M1AP: variants seen among roughly 807,000 people sequenced by gnomAD.
M1AP encodes the protein meiosis 1 associated protein, also known as meiosis 1 arrest protein.
In M1AP, 39 loss-of-function variants were observed where a neutral mutation model predicts 51.2. The ratio of observed to expected loss-of-function variants is 0.76; its 90% confidence interval spans 0.59 to 1.00. The LOEUF is 1.00. Ranked by LOEUF, M1AP falls within the 50% of genes least tolerant of loss-of-function variation. M1AP has a pLI of 0.00. For synonymous variants in M1AP, 251 were observed against 249.2 expected, an observed-to-expected ratio of 1.01 and a Z score of -0.07; for missense variants, 545 against 641.2, an observed-to-expected ratio of 0.85 and a Z score of 1.62.
chr2:74,607,144 C>G lies in M1AP; in HGVS notation c.506G>C (p.Arg169Thr). ...EEGLKDTDLA[R>T]VRRFQVVEVT... ...CTCAACGACCTGAAACCTCCTGACT[C>G]TGGCTAGGTCTGTATCTTTCAACCC... The change falls in exon 4 of 11, where the codon AGA becomes ACA. Residue 169 changes from arginine (R) to threonine (T), a missense_variant. Physicochemically the swap from Arg to Thr is moderately conservative, Grantham distance 71. Transcript: ENST00000421985. The G allele has an allele frequency of 1.2e-6, 2 of 1,614,188 alleles. No individual in the cohort carries two copies. The highest frequency in any genetic ancestry group is 1.7e-6 in the Non-Finnish European group (2 of 1,180,024).
intron 2 of M1AP, among the ~76,000 whole-genome samples, chr2:74,622,543 CTTTTT>C (rs534273779): frequency 5.1e-5 from 6 of 117,294 alleles, no homozygotes; most frequent in South Asian, 2.7e-4. Flanking sequence ...CCATTGCCTG[CTTTTT>C]TTTTTTTTTT....
intron 2 of M1AP, among the ~76,000 whole-genome samples, chr2:74,621,353 G>T (rs1290479780): frequency 1.3e-5 from 2 of 152,144 alleles, no homozygotes; most frequent in South Asian, 4.2e-4. Context: ...GAGAGGCACA[G>T]ATTAACAACT....
intron 5 of M1AP, among the ~76,000 whole-genome samples, chr2:74,577,433 A>G (rs1450953926): frequency 6.6e-6 from 1 of 152,248 alleles, no homozygotes; most frequent in African/African-American, 2.4e-5. Flanking sequence ...AATAAAACGT[A>G]TACCTGGCTT....
chr2:74,599,456 A>G (rs1680545149), intron 4 of M1AP, among the ~76,000 whole-genome samples: 1 of 152,032 alleles, frequency 6.6e-6, no homozygotes, highest in African/African-American at 2.4e-5. Context: ...GTGAGGTAGG[A>G]ATATTTTTTC....
At chr2:74,625,223 AACTG>A (rs1186652591) in intron 2 of M1AP, among the ~76,000 whole-genome samples, 2 of 152,178 alleles carry the variant, frequency 1.3e-5, no homozygotes, top group African/African-American at 2.4e-5. Flanking sequence ...CTTTTCTGAA[AACTG>A]ACTGTGTATA....
At chr2:74,559,806 G>A in intron 9 of M1AP, 97 bp from the exon 10 acceptor site, 1 of 703,178 alleles carries the variant, frequency 1.4e-6, no homozygotes, top group African/African-American at 1.8e-5. Flanking sequence ...CCATCCCTTG[G>A]GCATTTCTTT....
rs538351034 is a variant in M1AP, at chr2:74,587,222, G to A, written c.596-5375C>T. 7.4e-5 allele frequency among the ~76,000 whole-genome samples: 11 copies of A among 148,900 alleles called. No individual in the cohort carries two copies. The East Asian group carries it at 8.0e-4, about 11-fold the overall frequency. ...TTTTTTTTCTTTTTTCTTTTGAGAC[G>A]GAGTCTCGCTCTGTCCCCCAGGCTG... On this transcript the variant is annotated intron_variant, in intron 4 of 10. Transcript: ENST00000421985.
At chr2:74,626,922 G>A (rs1682431123) in intron 2 of M1AP, among the ~76,000 whole-genome samples, 1 of 152,122 alleles carries the variant, frequency 6.6e-6, no homozygotes, top group Non-Finnish European at 1.5e-5. Context: ...TTTAATATCT[G>A]ATAGGAATAG....
At chr2:74,640,380 C>CT (rs1683225737) in intron 1 of M1AP, 53 bp from the exon 2 acceptor site, 4 of 1,413,298 alleles carry the variant, frequency 2.8e-6, no homozygotes, top group South Asian at 2.8e-5. Flanking sequence ...TATGTGTGCT[C>CT]TGTTGAAATA....
chr2:74,642,644 G>C (rs1683358778), intron 1 of M1AP, among the ~76,000 whole-genome samples: 1 of 152,146 alleles, frequency 6.6e-6, no homozygotes, highest in African/African-American at 2.4e-5. Flanking sequence ...CATTGCAATG[G>C]AAGAAAGAAA....
At chr2:74,590,554 T>A (rs1258747737) in intron 4 of M1AP, among the ~76,000 whole-genome samples, 1 of 152,190 alleles carries the variant, frequency 6.6e-6, no homozygotes, top group African/African-American at 2.4e-5. Context: ...AACAGATGAA[T>A]TGGGTAAGAA....
rs1372045644 is a variant in M1AP at position 74,558,781 on chromosome 2, T to C, written c.1528A>G (p.Ser510Gly). 12 of 1,612,144 alleles carry C rather than the reference T, an allele frequency of 7.4e-6. No homozygotes were observed. Among genetic ancestry groups the C allele is most frequent in the Non-Finnish European group, 1.0e-5 (12 of 1,179,352 alleles). The part of the protein sequence containing the change: ...PGRASKMPAA[S>G]KSSSDAFFLP... ...AAGAAGGCATCTGAGGAAGATTTGC[T>C]GGCTGCTGGCATCTTGGAGGCTCTG... Residue 510 changes from serine to glycine, a missense_variant, in exon 11 of 11, where the codon AGC becomes GGC. Transcript: ENST00000421985.
In M1AP at chr2:74,640,232, G is replaced by C. The variant is rs368985707; in HGVS notation, c.44C>G (p.Thr15Ser). Reference protein sequence around the residue: ...RTTGKGPSTHTQIDQQPPRLL... With the variant: ...RTTGKGPSTHSQIDQQPPRLL... Reference sequence around the variant, plus strand: ...CCGTGGAGGTTGCTGGTCAATCTGAGTGTGAGTAGAGGGCCCTTTACCAGT... The same window carrying C: ...CCGTGGAGGTTGCTGGTCAATCTGACTGTGAGTAGAGGGCCCTTTACCAGT... Residue 15 changes from threonine to serine, a missense_variant, in exon 2 of 11, where the codon ACT becomes AGT. Thr to Ser is a moderately conservative substitution (Grantham distance 58). Transcript: ENST00000421985. The C allele has an allele frequency of 1.2e-6, 2 of 1,614,146 alleles. No homozygotes were observed. The highest frequency in any genetic ancestry group is 1.7e-6 in the Non-Finnish European group (2 of 1,180,018).
chr2:74,580,152 T>C (rs1362654095), intron 5 of M1AP, among the ~76,000 whole-genome samples: 1 of 152,196 alleles, frequency 6.6e-6, no homozygotes, highest in Non-Finnish European at 1.5e-5. Flanking sequence ...TACCTTACAA[T>C]TGATAGCATC....
intron 3 of M1AP, among the ~76,000 whole-genome samples, chr2:74,611,615 C>T (rs1205218088): frequency 6.6e-6 from 1 of 151,906 alleles, no homozygotes; most frequent in African/African-American, 2.4e-5. Flanking sequence ...TCAAACAAAA[C>T]AGTTCTTTTT....
At chr2:74,618,411 A>G (rs1000912286) in intron 2 of M1AP, among the ~76,000 whole-genome samples, 1 of 152,216 alleles carries the variant, frequency 6.6e-6, no homozygotes, top group Non-Finnish European at 1.5e-5. Context: ...GTGAAGAAAA[A>G]GAAACAGCAG....
intron 5 of M1AP, among the ~76,000 whole-genome samples, chr2:74,579,236 T>C (rs1158559488): frequency 6.6e-6 from 1 of 152,180 alleles, no homozygotes; most frequent in Non-Finnish European, 1.5e-5. Context: ...GCAAATGCCA[T>C]GTGATAGTGG....
intron 1 of M1AP, among the ~76,000 whole-genome samples, chr2:74,644,852 C>T (rs1683509025): frequency 6.6e-6 from 1 of 152,166 alleles, no homozygotes; most frequent in Non-Finnish European, 1.5e-5. Flanking sequence ...GAACTTGAAG[C>T]TGACACAGAG....
At chr2:74,573,623 G>A (rs189122687) in intron 7 of M1AP, among the ~76,000 whole-genome samples, 11 of 152,238 alleles carry the variant, frequency 7.2e-5, no homozygotes, top group Non-Finnish European at 1.3e-4. Flanking sequence ...AAAGTGCTGG[G>A]ATTACAGACG....
Sources: allele counts gnomAD v4.1 joint callset (sites outside exome capture counted in the v4.1 genomes callset), GRCh38; gene constraint gnomAD v4.1.1; transcripts MANE v1.5; gene names NCBI Gene and HGNC (gene_info 2026-07-23, HGNC 2026-07-21).